The following MBOAT1 variants were observed in gnomAD, a reference collection of about 807,000 sequenced individuals.
MBOAT1 encodes membrane-bound glycerophospholipid O-acyltransferase 1.
MBOAT1 carries 67 observed loss-of-function variants against 64.4 expected under a neutral mutation model. The observed-to-expected ratio is 1.04, with a 90% confidence interval of 0.85 to 1.27. The LOEUF (loss-of-function observed/expected upper bound fraction) is 1.27. Ranked by LOEUF, MBOAT1 falls within the 50% of genes most tolerant of loss-of-function variation. The pLI, the probability that MBOAT1 is intolerant of heterozygous loss-of-function variation, is 0.00. For synonymous variants in MBOAT1, 229 were observed against 218.9 expected (o/e 1.05, Z -0.41); for missense variants, 563 against 604.6 (o/e 0.93, Z 0.72).
At chr6:20,189,086 C>T (rs554938736) in intron 1 of MBOAT1, among the ~76,000 whole-genome samples, 1 of 152,238 alleles carries the variant, frequency 6.6e-6, no homozygotes, top group African/African-American at 2.4e-5. Flanking sequence ...CCAGAAGATC[C>T]TGATGGTGAT....
intron 7 of MBOAT1, among the ~76,000 whole-genome samples, chr6:20,125,548 C>T (rs903959359): frequency 2.0e-5 from 3 of 152,344 alleles, no homozygotes; most frequent in Admixed American, 2.0e-4. Context: ...CAGAAAGACT[C>T]TCTGATGACA....
Position 20,164,174 on chromosome 6 carries a change from TACACACAC to T in MBOAT1, c.100-11413_100-11406del, listed in dbSNP as rs35199956. On this transcript the variant is annotated intron_variant, in intron 1 of 12. Coordinates refer to ENST00000324607, the MANE Select transcript of MBOAT1 (RefSeq NM_001080480.3). ...ATTTAATATAGAATGTATGTGCATG[TACACACAC>T]ACACACACACACACACACACACAAA... 3.2e-3 allele frequency among the ~76,000 whole-genome samples: 467 copies of T among 147,550 alleles called. 4 individuals are homozygous for T. The highest frequency in any genetic ancestry group is 0.011 in the African/African-American group (441 of 40,084).
intron 1 of MBOAT1, among the ~76,000 whole-genome samples, chr6:20,174,381 T>A (rs546999447): frequency 3.9e-4 from 59 of 152,366 alleles, no homozygotes; most frequent in African/African-American, 1.4e-3. Flanking sequence ...CTATTATTAC[T>A]TGCAGGTTAC....
At chr6:20,106,190 G>C (rs889536646) in intron 12 of MBOAT1, among the ~76,000 whole-genome samples, 5 of 152,172 alleles carry the variant, frequency 3.3e-5, no homozygotes, top group African/African-American at 1.2e-4. Context: ...TTATTTCTTC[G>C]CCAGATTCAG....
rs758903344 is a variant in MBOAT1, at chr6:20,112,880, C to A, written c.1205G>T (p.Arg402Ile). 1.9e-6 allele frequency: 3 copies of A among 1,613,420 alleles called. No individual in the cohort carries two copies. In the South Asian group the frequency reaches 3.3e-5, roughly 18 times the overall value. ...LTGILVTLAA[R>I]AVRNNYRHYF... ...CTAGGCCTAAAGCACACTTACCGCT[C>A]TAGCTGCTAATGTGACAAGAATTCC... is the stretch of plus-strand genomic sequence containing the variant. The change falls in exon 11 of 13, where the codon AGA (arginine) becomes ATA (isoleucine). Residue 402 changes from arginine to isoleucine, a missense_variant. Coordinates refer to ENST00000324607, the MANE Select transcript of MBOAT1 (RefSeq NM_001080480.3).
At chr6:20,201,682 G>A (rs1763127455) in intron 1 of MBOAT1, among the ~76,000 whole-genome samples, 1 of 151,456 alleles carries the variant, frequency 6.6e-6, no homozygotes, top group Non-Finnish European at 1.5e-5. Context: ...CTGGGTTCAA[G>A]CAATTCTCCT....
At chr6:20,206,182 C>CTTT (rs373755311) in intron 1 of MBOAT1, among the ~76,000 whole-genome samples, 1 of 151,284 alleles carries the variant, frequency 6.6e-6, no homozygotes, top group Non-Finnish European at 1.5e-5. Context: ...TTTTCTTTTT[C>CTTT]TTTTTTTTTG....
chr6:20,113,746 G>A (rs1002832875), intron 10 of MBOAT1, among the ~76,000 whole-genome samples: 2 of 151,198 alleles, frequency 1.3e-5, no homozygotes, highest in East Asian at 1.9e-4. Flanking sequence ...AATTGCCAAC[G>A]GCACTCTAAG....
chr6:20,103,149 A>T (rs546133873), intron 12 of MBOAT1, among the ~76,000 whole-genome samples: 52 of 152,204 alleles, frequency 3.4e-4, no homozygotes, highest in Non-Finnish European at 5.0e-4. Flanking sequence ...TTCAGGAGGG[A>T]TTCCAGAGGC....
chr6:20,179,251 A>G (rs1170015355), intron 1 of MBOAT1, among the ~76,000 whole-genome samples: 3 of 152,168 alleles, frequency 2.0e-5, no homozygotes, highest in African/African-American at 7.2e-5. Context: ...TCCATTAGTC[A>G]AACTGAGGTG....
rs1299604572 is a variant in MBOAT1, at chr6:20,100,582, G to T, written c.*1704C>A. ...CCCCCAGCACCAGGACTGTTTACAT[G>T]CTGTAGAGGAACAGGCACATCACAT... On this transcript the variant is annotated 3_prime_UTR_variant, in exon 13 of 13. Coordinates refer to ENST00000324607, the MANE Select transcript of MBOAT1 (RefSeq NM_001080480.3). 6.6e-6 allele frequency among the ~76,000 whole-genome samples: 1 copy of T among 152,120 alleles called. No homozygotes were observed. The highest frequency in any genetic ancestry group is 1.5e-5 in the Non-Finnish European group (1 of 68,038).
chr6:20,138,579 C>G (rs1041790442), intron 4 of MBOAT1, among the ~76,000 whole-genome samples: 18 of 152,110 alleles, frequency 1.2e-4, no homozygotes, highest in Admixed American at 6.5e-4. Flanking sequence ...TTTCAGAATT[C>G]TGATTACATT....
intron 1 of MBOAT1, among the ~76,000 whole-genome samples, chr6:20,179,934 T>C (rs1762464909): frequency 6.6e-6 from 1 of 152,058 alleles, no homozygotes; most frequent in Non-Finnish European, 1.5e-5. Flanking sequence ...TTTTTTCATA[T>C]GTTTATTGAC....
chr6:20,131,599 A>G (rs1561755398), intron 4 of MBOAT1, among the ~76,000 whole-genome samples: 1 of 152,244 alleles, frequency 6.6e-6, no homozygotes, highest in Non-Finnish European at 1.5e-5. Context: ...GTCTTTATTT[A>G]GCAGCATGAG....
In MBOAT1 at chr6:20,212,353, G is replaced by T. The variant is rs1017362661; in HGVS notation, c.-119C>A. The T allele has an allele frequency of 4.5e-6, 4 of 880,666 alleles. No homozygotes were observed. Among genetic ancestry groups the T allele is most frequent in the East Asian group, 2.7e-5 (1 of 36,778 alleles). The allele number at this position is 880,666 out of a possible 1,614,324, so 54.6% of individuals were successfully genotyped here. A position where few individuals can be genotyped will look rare whatever the true frequency, so the allele number is the denominator to read the frequency against. On this transcript the variant is annotated 5_prime_UTR_variant, in exon 1 of 13. Transcript: ENST00000324607. ...AGAGGCGCACGGCCGCCTGGTTCGC[G>T]GGGGAGCGAACGGGAGGCCGGGGAA...
intron 1 of MBOAT1, among the ~76,000 whole-genome samples, chr6:20,163,324 T>C (rs550818334): frequency 1.3e-5 from 2 of 152,308 alleles, no homozygotes; most frequent in African/African-American, 4.8e-5. Flanking sequence ...ACATTCCCAT[T>C]AAATTCCACT....
Position 20,152,355 on chromosome 6 carries a change from A to T in MBOAT1, c.245+269T>A, listed in dbSNP as rs1343647262. ...AAAAAAAAATAAAAAATAAATAAATAAATAAATAAATTAATTAATTAATTA... is the reference window on the plus strand; with the variant it reads ...AAAAAAAAATAAAAAATAAATAAATTAATAAATAAATTAATTAATTAATTA... On this transcript the variant is annotated intron_variant, in intron 2 of 12. Transcript: ENST00000324607. 2.7e-3 allele frequency among the ~76,000 whole-genome samples: 333 copies of T among 123,804 alleles called. 2 individuals are homozygous for T. Among genetic ancestry groups the T allele is most frequent in the African/African-American group, 8.1e-3 (271 of 33,294 alleles). The allele number at this position is 123,804 out of a possible 152,430, so 81.2% of individuals were successfully genotyped here. A position where few individuals can be genotyped will look rare whatever the true frequency, so the allele number is the denominator to read the frequency against.
intron 5 of MBOAT1, 93 bp downstream of exon 5, chr6:20,131,051 T>C (rs1362788037): frequency 9.1e-7 from 1 of 1,095,368 alleles, no homozygotes; most frequent in East Asian, 2.4e-5. Flanking sequence ...TGCCAGCATT[T>C]GTCTAAACTT....
At chr6:20,180,532 A>G (rs771039377) in intron 1 of MBOAT1, among the ~76,000 whole-genome samples, 2 of 152,084 alleles carry the variant, frequency 1.3e-5, no homozygotes, top group Admixed American at 6.5e-5. Context: ...TCCAATAAAC[A>G]CCACAGCTCT....
Sources: gnomAD v4.1 joint callset for allele counts (sites outside exome capture counted in the v4.1 genomes callset) on GRCh38, gnomAD v4.1.1 for gene constraint, MANE v1.5 for transcripts, NCBI Gene and HGNC (gene_info 2026-07-23, HGNC 2026-07-21) for gene names.